The following MYOM2 variants were observed in gnomAD, a reference collection of about 807,000 sequenced individuals.
MYOM2 encodes myomesin-2.
Under a neutral mutation model 187.6 loss-of-function variants are expected in MYOM2, and 254 were observed. The ratio of observed to expected loss-of-function variants is 1.35; its 90% CI spans 1.22 to 1.50. The LOEUF (loss-of-function observed/expected upper bound fraction) is 1.50, where lower values mean the gene tolerates loss of function less well. MYOM2 is among the 40% of genes most tolerant of loss of function. The pLI is 0.00. For synonymous variants in MYOM2, 981 were observed against 753.8 expected, an observed-to-expected ratio of 1.30 and a Z score of -4.94; for missense variants, 2,796 against 1,924.0, an observed-to-expected ratio of 1.45 and a Z score of -8.48.
rs182312964 is a variant in MYOM2 at position 2,045,405 on chromosome 8, C to T, written c.-13+237C>T. On this transcript the variant is annotated intron_variant, in intron 1 of 36. Coordinates refer to ENST00000262113, the MANE Select transcript of MYOM2 (RefSeq NM_003970.4). ...TTATTTCCCACAGCCGTGGTCTTTGCTAAGTGCCGTTTAGCACCCTGCGGC... is the reference window on the plus strand; with the variant it reads ...TTATTTCCCACAGCCGTGGTCTTTGTTAAGTGCCGTTTAGCACCCTGCGGC... Among the ~76,000 whole-genome samples, 280 of 152,346 alleles carry T rather than the reference C, an allele frequency of 1.8e-3. 1 individual carries two copies. The highest frequency in any genetic ancestry group is 6.5e-3 in the African/African-American group (269 of 41,580).
At chr8:2,078,027 G>A (rs1173207720) in intron 11 of MYOM2, among the ~76,000 whole-genome samples, 1 of 152,152 alleles carries the variant, frequency 6.6e-6, no homozygotes, top group African/African-American at 2.4e-5. Flanking sequence ...GGGTTGAAGT[G>A]CTCCCTCCCA....
At position 2,076,026 on chromosome 8, in the gene MYOM2, A is replaced by G. The variant is rs1044238927; in HGVS notation, c.1121-115A>G. 6.1e-6 allele frequency: 6 copies of G among 981,108 alleles called. No individual in the cohort carries two copies. In the African/African-American group the frequency reaches 9.9e-5, roughly 16 times the overall value. 60.8% of individuals were successfully genotyped at this position (981,108 alleles called of 1,614,324 possible). On this transcript the variant is annotated intron_variant, in intron 10 of 36. Coordinates refer to ENST00000262113, the MANE Select transcript of MYOM2 (RefSeq NM_003970.4). ...TTCTAGTACTTTGAACATGAGAATT[A>G]AACAGTGGTCAAATCAAGGGGATAG...
chr8:2,094,236 A>G, intron 17 of MYOM2, 145 bp downstream of exon 17: 1 of 1,068,200 alleles, frequency 9.4e-7, no homozygotes, highest in Middle Eastern at 2.1e-4. Flanking sequence ...GTTTCTTTGA[A>G]GCCTCTCGGT....
chr8:2,050,784 C>T lies in MYOM2; in HGVS notation c.18C>T (p.Val6=). 6.2e-7 allele frequency: 1 copy of T among 1,612,206 alleles called. No homozygotes were observed. Among genetic ancestry groups the T allele is most frequent in the Middle Eastern group, 1.7e-4 (1 of 6,048 alleles). ...ACGCCAAGATGTCCCTTGTGACTGT[C>T]CCCTTCTACCAGAAGAGACATAGGC... is the stretch of plus-strand genomic sequence containing the variant. MSLVT[V]PFYQKRHRHF... Residue 6 remains valine, a synonymous_variant, in exon 2 of 37, where the codon GTC becomes GTT. Transcript: ENST00000262113.
In MYOM2 at chr8:2,078,856, G is replaced by A. The variant is rs1819524853; in HGVS notation, c.1385G>A (p.Ser462Asn). 6.2e-7 allele frequency: 1 copy of A among 1,614,008 alleles called. No homozygotes were observed. The highest frequency in any genetic ancestry group is 1.7e-5 in the Admixed American group (1 of 60,002). ...ATATTCCGAGTGAGGGCAGTGAACA[G>A]TGCGGGCATCAGCCGACCCTCCAGG... is the stretch of plus-strand genomic sequence containing the variant. ...SYIFRVRAVN[S>N]AGISRPSRVS... is the part of the protein sequence containing the mutation. The change falls in exon 12 of 37, where the codon AGT becomes AAT. Residue 462 changes from serine to asparagine, a missense_variant. Ser to Asn is a conservative substitution (Grantham distance 46, BLOSUM62 1). Transcript: ENST00000262113.
At chr8:2,116,535 G>C (rs1797251462) in intron 27 of MYOM2, among the ~76,000 whole-genome samples, 1 of 152,150 alleles carries the variant, frequency 6.6e-6, no homozygotes, top group South Asian at 2.1e-4. Flanking sequence ...GGGGGTAGAG[G>C]AGGTGGTGGC....
chr8:2,086,718 C>G (rs1796096218), intron 14 of MYOM2, among the ~76,000 whole-genome samples: 2 of 152,248 alleles, frequency 1.3e-5, no homozygotes, highest in Non-Finnish European at 2.9e-5. Context: ...GCTTCCCTCT[C>G]TGGGCGCCCG....
chr8:2,070,284 T>G (rs962657575), intron 8 of MYOM2, among the ~76,000 whole-genome samples: 2 of 152,264 alleles, frequency 1.3e-5, no homozygotes, highest in Admixed American at 1.3e-4. Flanking sequence ...AATGCGAGGC[T>G]TAGTTGCTCT....
At chr8:2,142,649 G>A (rs1280778414) in intron 35 of MYOM2, among the ~76,000 whole-genome samples, 3 of 148,704 alleles carry the variant, frequency 2.0e-5, no homozygotes, top group African/African-American at 7.5e-5. Context: ...AGAACCTGCA[G>A]CCCAGACACC....
chr8:2,091,932 T>G (rs1796316954), intron 15 of MYOM2, among the ~76,000 whole-genome samples: 1 of 152,186 alleles, frequency 6.6e-6, no homozygotes, highest in African/African-American at 2.4e-5. Context: ...ATGATCGAAT[T>G]TTGAGTGCCC....
chr8:2,120,563 T>A, intron 28 of MYOM2, among the ~76,000 whole-genome samples: 1 of 148,002 alleles, frequency 6.8e-6, no homozygotes, highest in Non-Finnish European at 1.5e-5. Context: ...CCTAGATAGG[T>A]GCAGGTTACT....
Position 2,144,985 on chromosome 8 carries a change from C to G in MYOM2, c.*4C>G. 1 of 1,612,594 alleles carries G rather than the reference C, an allele frequency of 6.2e-7. No homozygotes were observed. Among genetic ancestry groups the G allele is most frequent in the South Asian group, 1.1e-5 (1 of 90,934 alleles). On this transcript the variant is annotated 3_prime_UTR_variant, in exon 37 of 37. Transcript: ENST00000262113. ...TGCCTCAGCGGCAGGCCAGTGAAGG[C>G]GTTTTCCTAGCCTGGAGATGGGAAA...
Position 2,079,768 on chromosome 8 carries a change from T to C in MYOM2, c.1516+155T>C, listed in dbSNP as rs926986034. 1.6e-4 allele frequency among the ~76,000 whole-genome samples: 25 copies of C among 151,644 alleles called. 1 individual carries two copies. The highest frequency in any genetic ancestry group is 5.8e-4 in the African/African-American group (24 of 41,210). On this transcript the variant is annotated intron_variant, in intron 13 of 36. Coordinates refer to ENST00000262113, the MANE Select transcript of MYOM2 (RefSeq NM_003970.4). ...GTCAGGCCTGCAAGCCCAGTGTCCATAGAAGTTAAAAAAAAGAAAAAATCA... is the reference window on the plus strand; with the variant it reads ...GTCAGGCCTGCAAGCCCAGTGTCCACAGAAGTTAAAAAAAAGAAAAAATCA...
At chr8:2,135,931 A>T (rs1798053235) in intron 32 of MYOM2, among the ~76,000 whole-genome samples, 1 of 152,198 alleles carries the variant, frequency 6.6e-6, no homozygotes, top group South Asian at 2.1e-4. Flanking sequence ...CGTGGGGTCT[A>T]GGGTGAGACC....
chr8:2,063,148 T>A (rs536335423), intron 6 of MYOM2, among the ~76,000 whole-genome samples: 7 of 152,336 alleles, frequency 4.6e-5, no homozygotes, highest in Middle Eastern at 3.4e-3. Context: ...GATGAAATGT[T>A]AATATTCTTC....
chr8:2,123,767 A>C, intron 30 of MYOM2, 125 bp downstream of exon 30: 1 of 785,230 alleles, frequency 1.3e-6, no homozygotes, highest in Non-Finnish European at 2.1e-6. Context: ...TAGCAGTAAC[A>C]CTGTAGAAAA....
At chr8:2,079,084 C>A in intron 12 of MYOM2, 151 bp downstream of exon 12, 1 of 694,862 alleles carries the variant, frequency 1.4e-6, no homozygotes, top group Non-Finnish European at 2.4e-6. Context: ...CGTTCTCTGA[C>A]ATCTCCACCA....
At chr8:2,133,159 G>A (rs2116893891) in intron 32 of MYOM2, among the ~76,000 whole-genome samples, 1 of 152,270 alleles carries the variant, frequency 6.6e-6, no homozygotes, top group African/African-American at 2.4e-5. Flanking sequence ...GACAGCAGTA[G>A]CAAAAGGCTG....
rs1334761636 is a variant in MYOM2 at position 2,059,226 on chromosome 8, C to T, written c.634C>T (p.His212Tyr). Reference sequence around the variant, plus strand: ...CAGGATTGAGAGCAACTATGGCGTACACACACTGGAGATCAACAGGTATGG... The same window carrying T: ...CAGGATTGAGAGCAACTATGGCGTATACACACTGGAGATCAACAGGTATGG... ...KYRIESNYGVHTLEINRADFD... is the reference protein window; with the variant it reads ...KYRIESNYGVYTLEINRADFD... The change falls in exon 6 of 37, where the codon CAC becomes TAC. Residue 212 changes from histidine (H) to tyrosine (Y), a missense_variant. By Grantham distance (83) the His-to-Tyr change is moderately conservative. Coordinates refer to ENST00000262113, the MANE Select transcript of MYOM2 (RefSeq NM_003970.4). 1.9e-6 allele frequency: 3 copies of T among 1,614,128 alleles called. No homozygotes were observed. The highest frequency in any genetic ancestry group is 1.7e-5 in the Admixed American group (1 of 60,024).
Sources: gnomAD v4.1 joint callset for allele counts (sites outside exome capture counted in the v4.1 genomes callset) on GRCh38, gnomAD v4.1.1 for gene constraint, MANE v1.5 for transcripts, NCBI Gene and HGNC (gene_info 2026-07-23, HGNC 2026-07-21) for gene names.